The following CDKL3 variants were observed in gnomAD, a reference collection of about 807,000 sequenced individuals.
CDKL3 encodes cyclin-dependent kinase-like 3.
In CDKL3, 65 loss-of-function variants were observed where a neutral mutation model predicts 69.3. The observed-to-expected ratio is 0.94, with a 90% confidence interval of 0.77 to 1.15. The LOEUF (loss-of-function observed/expected upper bound fraction) is 1.15. Among genes scored for constraint, CDKL3 ranks in the 50% most tolerant of loss-of-function variants. CDKL3 has a pLI of 0.00. For missense variants in CDKL3, 652 were observed against 689.2 expected (o/e 0.95, Z 0.61); for synonymous variants, 202 against 221.6 (o/e 0.91, Z 0.79).
intron 6 of CDKL3, among the ~76,000 whole-genome samples, chr5:134,315,595 A>T (rs1004107948): frequency 2.0e-5 from 3 of 152,126 alleles, no homozygotes; most frequent in Non-Finnish European, 4.4e-5. Context: ...TGGCCTCCCA[A>T]AGTGCTGGGA....
chr5:134,313,655 A>G (rs952905564), intron 6 of CDKL3, among the ~76,000 whole-genome samples: 4 of 152,166 alleles, frequency 2.6e-5, no homozygotes, highest in African/African-American at 9.6e-5. Context: ...AAAAATCTAG[A>G]GATCTGCTGT....
Position 134,350,294 on chromosome 5 carries a change from C to G in CDKL3, c.494G>C (p.Trp165Ser), listed in dbSNP as rs1414513019. ...DIYTDYVATR[W>S]YRAPELVLKD... is the part of the protein sequence containing the mutation. The stretch of plus-strand genomic sequence containing the variant: ...TAATACTAATTCGGGAGCTCTATAC[C>G]AGCGTGTGGCCACATAGTCCGTATA... The change falls in exon 4 of 13, where the codon TGG becomes TCG. Residue 165 changes from tryptophan (W) to serine (S), a missense_variant. Coordinates refer to ENST00000265334, the MANE Select transcript of CDKL3 (RefSeq NM_001113575.2). The G allele has an allele frequency of 1.3e-6, 2 of 1,592,062 alleles. No individual in the cohort carries two copies. The highest frequency in any genetic ancestry group is 1.3e-5 in the African/African-American group (1 of 74,544).
At chr5:134,298,959 C>T (rs759809040) in intron 12 of CDKL3, among the ~76,000 whole-genome samples, 2 of 152,102 alleles carry the variant, frequency 1.3e-5, no homozygotes, top group South Asian at 2.1e-4. Flanking sequence ...CTACAACCTC[C>T]GCCTCCCGGG....
At chr5:134,359,732 G>C (rs535189574) in intron 3 of CDKL3, among the ~76,000 whole-genome samples, 165 bp downstream of exon 3, 1 of 152,220 alleles carries the variant, frequency 6.6e-6, no homozygotes, top group South Asian at 2.1e-4. Flanking sequence ...TTTTGGTTCT[G>C]CAACTAAAAG....
intron 2 of CDKL3, among the ~76,000 whole-genome samples, chr5:134,362,518 T>TA (rs964659158): frequency 1.2e-4 from 18 of 150,952 alleles, no homozygotes; most frequent in Admixed American, 1.1e-3. Flanking sequence ...AAACTCTGTC[T>TA]AAAAAAAAAG....
intron 6 of CDKL3, among the ~76,000 whole-genome samples, chr5:134,314,054 G>A (rs1185308433): frequency 6.6e-6 from 1 of 152,098 alleles, no homozygotes; most frequent in East Asian, 1.9e-4. Context: ...TAAGGCGGAA[G>A]AATTGCTTGA....
At chr5:134,368,274 G>GTGGTCA (rs1461733990), upstream of CDKL3, among the ~76,000 whole-genome samples, 1 of 152,200 alleles carries the variant, frequency 6.6e-6, no homozygotes, top group Non-Finnish European at 1.5e-5. Flanking sequence ...GAAAGGAGAA[G>GTGGTCA]TGGTCATCGT....
chr5:134,328,589 G>A (rs1774977107), intron 4 of CDKL3, among the ~76,000 whole-genome samples: 1 of 151,898 alleles, frequency 6.6e-6, no homozygotes, highest in Non-Finnish European at 1.5e-5. Flanking sequence ...AAATGAGTGG[G>A]GAGAATAGAA....
chr5:134,290,807 G>A (rs970377477), intron 8 of CDKL3, among the ~76,000 whole-genome samples: 11 of 152,096 alleles, frequency 7.2e-5, no homozygotes, highest in African/African-American at 2.4e-4. Flanking sequence ...AAAGTGTTGG[G>A]ATTATAAGTG....
chr5:134,324,294 C>G (rs536980737), intron 4 of CDKL3, among the ~76,000 whole-genome samples: 2 of 152,328 alleles, frequency 1.3e-5, no homozygotes, highest in East Asian at 3.9e-4. Flanking sequence ...CAGCTTCTAA[C>G]AAAGCTAAAC....
intron 8 of CDKL3, among the ~76,000 whole-genome samples, chr5:134,287,160 C>T (rs1764907136): frequency 6.6e-6 from 1 of 151,808 alleles, no homozygotes; most frequent in Non-Finnish European, 1.5e-5. Flanking sequence ...AGAAGGCGCG[C>T]TTTGAGGAGG....
chr5:134,336,951 G>A (rs1386092617), intron 4 of CDKL3, among the ~76,000 whole-genome samples: 4 of 152,216 alleles, frequency 2.6e-5, no homozygotes, highest in Admixed American at 2.6e-4. Flanking sequence ...AATCTAGAGA[G>A]GCAGTAGTCC....
At chr5:134,332,320 G>T (rs1274169252) in intron 4 of CDKL3, among the ~76,000 whole-genome samples, 14 of 152,074 alleles carry the variant, frequency 9.2e-5, no homozygotes, top group Admixed American at 7.9e-4. Context: ...TGTCTATTTT[G>T]GCTTTTGTTG....
chr5:134,326,093 ACT>A (rs1774135307), intron 4 of CDKL3, among the ~76,000 whole-genome samples: 2 of 151,534 alleles, frequency 1.3e-5, no homozygotes, highest in African/African-American at 4.8e-5. Flanking sequence ...ATTTTTAAGT[ACT>A]CTCTCCACAG....
At chr5:134,352,536 A>T (rs1000770709) in intron 3 of CDKL3, among the ~76,000 whole-genome samples, 1 of 152,046 alleles carries the variant, frequency 6.6e-6, no homozygotes, top group Non-Finnish European at 1.5e-5. Context: ...CCTGACCTCA[A>T]GTGATTCACC....
At position 134,308,266 on chromosome 5, in the gene CDKL3, G is replaced by A; in HGVS notation, c.1236C>T (p.Ser412=). 6.2e-7 allele frequency: 1 copy of A among 1,613,936 alleles called. No homozygotes were observed. Among genetic ancestry groups the A allele is most frequent in the African/African-American group, 1.3e-5 (1 of 75,034 alleles). ...TIEPPNPINP[S]TNCNGLKENP... ...TTTCTTTCAAGCCATTACAGTTAGT[G>A]CTGGGATTGATAGGGTTTGGTGGTT... Residue 412 remains serine (S), a synonymous_variant, in exon 9 of 13, where the codon AGC becomes AGT. Transcript: ENST00000265334.
Position 134,312,380 on chromosome 5 carries a change from C to A in CDKL3, c.793G>T (p.Ala265Ser). 1 of 1,566,858 alleles carries A rather than the reference C, an allele frequency of 6.4e-7. No homozygotes were observed. Residue 265 changes from alanine to serine, a missense_variant and splice_region_variant, in exon 7 of 13, where the codon GCT (alanine) becomes TCT (serine). Physicochemically the swap from Ala to Ser is moderately conservative, Grantham distance 99. Coordinates refer to ENST00000265334, the MANE Select transcript of CDKL3 (RefSeq NM_001113575.2). Reference sequence around the variant, plus strand: ...TCAGCAGGATCAATTTGTAAACAAGCCTAGGAAAGGAAAAAGATTTTAATA... The same window carrying A: ...TCAGCAGGATCAATTTGTAAACAAGACTAGGAAAGGAAAAAGATTTTAATA... The part of the protein sequence containing the change: ...LNGLLADIVH[A>S]CLQIDPADRI...
chr5:134,304,537 G>A lies in CDKL3; in HGVS notation c.1489C>T (p.Arg497Ter), dbSNP rs137953681. The A allele has an allele frequency of 1.8e-4, 292 of 1,610,214 alleles. No individual in the cohort carries two copies. The highest frequency in any genetic ancestry group is 2.3e-4 in the Non-Finnish European group (273 of 1,178,560). The change falls in exon 11 of 13, where the codon CGA becomes TGA. Residue 497 changes from arginine to a stop codon, truncating the protein, a stop_gained. Transcript: ENST00000265334. LOFTEE classifies it high-confidence loss of function. ...SQMEKGIFNE[R>*]TGHSDQMANE... ...GCCATTTGGTCACTGTGACCTGTTCGCTCATTAAATATACCCTTCTCCATT... is the reference window on the plus strand; with the variant it reads ...GCCATTTGGTCACTGTGACCTGTTCACTCATTAAATATACCCTTCTCCATT...
At chr5:134,356,516 T>C (rs994321504) in intron 3 of CDKL3, among the ~76,000 whole-genome samples, 2 of 152,196 alleles carry the variant, frequency 1.3e-5, no homozygotes, top group Non-Finnish European at 2.9e-5. Context: ...GGCTCATGCC[T>C]GTAATCCCAG....
Sources: allele counts gnomAD v4.1 joint callset (sites outside exome capture counted in the v4.1 genomes callset), GRCh38; gene constraint gnomAD v4.1.1; transcripts MANE v1.5; gene names NCBI Gene and HGNC (gene_info 2026-07-23, HGNC 2026-07-21).